The following STX8 variants were observed in gnomAD, a reference collection of about 807,000 sequenced individuals.
STX8 encodes syntaxin-8.
Under a neutral mutation model 37.5 loss-of-function variants are expected in STX8, and 23 were observed. That is an observed-to-expected ratio of 0.61 (90% CI 0.44 to 0.87). The LOEUF is 0.87. STX8 is among the 40% of genes least tolerant of loss of function. The pLI is 0.00. For missense variants in STX8, 313 were observed against 284.7 expected, an observed-to-expected ratio of 1.10 and a Z score of -0.71; for synonymous variants, 115 against 99.1, an observed-to-expected ratio of 1.16 and a Z score of -0.95.
chr17:9,530,748 C>A (rs1417049106), intron 4 of STX8, among the ~76,000 whole-genome samples: 1 of 152,208 alleles, frequency 6.6e-6, no homozygotes. Flanking sequence ...CCTGCAAATA[C>A]AGATTTTCAT....
At chr17:9,538,573 G>A (rs1906152304) in intron 4 of STX8, among the ~76,000 whole-genome samples, 1 of 152,172 alleles carries the variant, frequency 6.6e-6, no homozygotes, top group African/African-American at 2.4e-5. Context: ...TGTCAGTAGT[G>A]CAAGAGAAAA....
At chr17:9,498,706 G>C (rs1290754037) in intron 5 of STX8, among the ~76,000 whole-genome samples, 1 of 152,100 alleles carries the variant, frequency 6.6e-6, no homozygotes, top group Non-Finnish European at 1.5e-5. Flanking sequence ...CAGAAATCTA[G>C]AACGATTGCA....
At chr17:9,485,846 A>C (rs1906574459) in intron 6 of STX8, among the ~76,000 whole-genome samples, 1 of 152,186 alleles carries the variant, frequency 6.6e-6, no homozygotes, top group African/African-American at 2.4e-5. Flanking sequence ...TTGGCCTCCC[A>C]AAGTACTGGG....
At chr17:9,523,405 C>CACAT (rs1555533996) in intron 4 of STX8, among the ~76,000 whole-genome samples, 35 of 149,968 alleles carry the variant, frequency 2.3e-4, no homozygotes, top group Admixed American at 4.7e-4. Context: ...CACACACACA[C>CACAT]ATATATATAT....
At chr17:9,463,288 G>A (rs531250605) in intron 6 of STX8, among the ~76,000 whole-genome samples, 7 of 152,050 alleles carry the variant, frequency 4.6e-5, no homozygotes, top group Non-Finnish European at 7.4e-5. Context: ...AATAATTTAC[G>A]TAAATACAAT....
chr17:9,565,526 G>A (rs1907419604), intron 2 of STX8, among the ~76,000 whole-genome samples: 1 of 144,768 alleles, frequency 6.9e-6, no homozygotes. Context: ...TGAGATGCAA[G>A]AATCACTTGA....
At chr17:9,373,472 T>A (rs1911478093) in intron 7 of STX8, among the ~76,000 whole-genome samples, 1 of 152,144 alleles carries the variant, frequency 6.6e-6, no homozygotes, top group African/African-American at 2.4e-5. Flanking sequence ...CATGGATGAA[T>A]CTTGAAGACA....
At chr17:9,573,080 A>ACCCCCCCCCCCC (rs71135994) in intron 1 of STX8, among the ~76,000 whole-genome samples, 17 of 101,578 alleles carry the variant, frequency 1.7e-4, no homozygotes, top group South Asian at 3.8e-4. Context: ...CACCCCCAAC[A>ACCCCCCCCCCCC]CCCCCCCCCA....
chr17:9,440,658 G>A (rs1367526266), intron 6 of STX8, among the ~76,000 whole-genome samples: 1 of 151,932 alleles, frequency 6.6e-6, no homozygotes, highest in Non-Finnish European at 1.5e-5. Flanking sequence ...CTGAGTAGCT[G>A]GGATTGCAGG....
chr17:9,327,903 C>T (rs1349301379), intron 7 of STX8, among the ~76,000 whole-genome samples: 2 of 150,898 alleles, frequency 1.3e-5, no homozygotes, highest in African/African-American at 2.4e-5. Context: ...CCCTCCCTCC[C>T]TCCCTTTCCT....
At chr17:9,274,899 C>T (rs987824581) in intron 7 of STX8, among the ~76,000 whole-genome samples, 32 of 150,910 alleles carry the variant, frequency 2.1e-4, no homozygotes, top group Admixed American at 2.6e-4. Flanking sequence ...TACAGGCATG[C>T]ACCACCATGC....
At chr17:9,277,775 C>A (rs892084214) in intron 7 of STX8, among the ~76,000 whole-genome samples, 1 of 151,996 alleles carries the variant, frequency 6.6e-6, no homozygotes, top group African/African-American at 2.4e-5. Context: ...CAAAGCCAGG[C>A]AGAGTGGGAA....
intron 6 of STX8, among the ~76,000 whole-genome samples, chr17:9,475,659 CAG>C (rs1906071832): frequency 6.6e-6 from 1 of 152,284 alleles, no homozygotes; most frequent in South Asian, 2.1e-4. Context: ...AGGATAGACA[CAG>C]GGGTAAAAAG....
At chr17:9,502,713 G>T (rs1468688849) in intron 5 of STX8, among the ~76,000 whole-genome samples, 5 of 152,058 alleles carry the variant, frequency 3.3e-5, no homozygotes. Context: ...CTTTGTAACA[G>T]TCAAAAACTG....
At chr17:9,372,389 G>A (rs1324385112) in intron 7 of STX8, among the ~76,000 whole-genome samples, 1 of 152,066 alleles carries the variant, frequency 6.6e-6, no homozygotes, top group African/African-American at 2.4e-5. Context: ...TGGGTGCCCA[G>A]GGACTAAATT....
chr17:9,324,153 C>CACAA (rs1174763207), intron 7 of STX8, among the ~76,000 whole-genome samples: 1 of 145,800 alleles, frequency 6.9e-6, no homozygotes, highest in Non-Finnish European at 1.5e-5. Flanking sequence ...CACACACACA[C>CACAA]ACAAACACAA....
intron 7 of STX8, among the ~76,000 whole-genome samples, chr17:9,358,055 G>A (rs1241186574): frequency 6.6e-6 from 1 of 152,150 alleles, no homozygotes; most frequent in African/African-American, 2.4e-5. Flanking sequence ...GTTGGGAGAA[G>A]GCTGCTTCAG....
At chr17:9,257,076 T>C (rs562527773) in intron 7 of STX8, among the ~76,000 whole-genome samples, 1 of 152,306 alleles carries the variant, frequency 6.6e-6, no homozygotes, top group African/African-American at 2.4e-5. Flanking sequence ...CGCTGGCACC[T>C]GGCGAGGCAG....
intron 6 of STX8, among the ~76,000 whole-genome samples, chr17:9,486,914 C>G (rs1368487762): frequency 6.6e-6 from 1 of 152,062 alleles, no homozygotes; most frequent in Non-Finnish European, 1.5e-5. Context: ...TTGTGCCCTC[C>G]CACCCATAGA....
Sources: gnomAD v4.1 joint callset for allele counts (sites outside exome capture counted in the v4.1 genomes callset) on GRCh38, gnomAD v4.1.1 for gene constraint, MANE v1.5 for transcripts, NCBI Gene and HGNC (gene_info 2026-07-23, HGNC 2026-07-21) for gene names.